The following PHTF2 variants were observed in gnomAD, a reference collection of about 807,000 sequenced individuals.
PHTF2 encodes putative homeodomain transcription factor 2, also known as protein PHTF2.
Under a neutral mutation model 101.2 loss-of-function variants are expected in PHTF2, and 60 were observed. The observed-to-expected ratio is 0.59, with a 90% CI of 0.48 to 0.73. The LOEUF (loss-of-function observed/expected upper bound fraction) is 0.73. PHTF2 is among the 30% of genes least tolerant of loss of function. PHTF2 has a pLI of 0.00. For synonymous variants in PHTF2, 311 were observed against 307.3 expected (o/e 1.01, Z -0.13); for missense variants, 747 against 908.7 (o/e 0.82, Z 2.29).
intron 15 of PHTF2, among the ~76,000 whole-genome samples, chr7:77,941,049 C>CT (rs1195462615): frequency 6.6e-6 from 1 of 152,088 alleles, no homozygotes; most frequent in African/African-American, 2.4e-5. Context: ...TAGGAAAACA[C>CT]TTTTTTTCTG....
chr7:77,801,321 C>T (rs953311423), intron 1 of PHTF2, among the ~76,000 whole-genome samples: 23 of 152,172 alleles, frequency 1.5e-4, no homozygotes. Flanking sequence ...TGCGGTGGCT[C>T]ACGCCCGTAA....
At chr7:77,918,657 CCAGA>C (rs1260371144) in intron 9 of PHTF2, among the ~76,000 whole-genome samples, 1 of 152,150 alleles carries the variant, frequency 6.6e-6, no homozygotes, top group African/African-American at 2.4e-5. Context: ...ACTTTCTTTC[CCAGA>C]CAGAGGAAGT....
Position 77,807,208 on chromosome 7 carries a change from T to C in PHTF2, c.-36+8237T>C, listed in dbSNP as rs541056599. Among the ~76,000 whole-genome samples the C allele has an allele frequency of 3.9e-5, 6 of 152,328 alleles. No homozygotes were observed. The South Asian group carries it at 1.2e-3, about 32-fold the overall frequency. ...TGCTATGAATATGAGTGTGTAAATA[T>C]CTCTTTGAGACTCTGCTTTCAATTG... On this transcript the variant is annotated intron_variant, in intron 1 of 19. Transcript: ENST00000416283.
chr7:77,840,418 C>A, intron 2 of PHTF2, 118 bp downstream of exon 2: 2 of 627,776 alleles, frequency 3.2e-6, no homozygotes, highest in Non-Finnish European at 5.6e-6. Context: ...TTTTATTTTT[C>A]TTGTACTTAT....
At chr7:77,923,289 TAAAG>T in intron 11 of PHTF2, 6 of 922,198 alleles carry the variant, frequency 6.5e-6, no homozygotes, top group Non-Finnish European at 7.8e-6. Flanking sequence ...ATTGTTTAAA[TAAAG>T]AATTTCATTC....
chr7:77,886,524 T>C (rs1383574451), intron 3 of PHTF2, among the ~76,000 whole-genome samples: 1 of 152,204 alleles, frequency 6.6e-6, no homozygotes, highest in Non-Finnish European at 1.5e-5. Flanking sequence ...GTTTCCCATT[T>C]TGTTTGTCTC....
At chr7:77,909,976 T>C (rs552588069) in intron 8 of PHTF2, 1 of 252,668 alleles carries the variant, frequency 4.0e-6, no homozygotes, top group African/African-American at 2.2e-5. Flanking sequence ...AAGAAATGCT[T>C]TTGTAAATAT....
exon 11 of PHTF2, chr7:77,922,695 T>C (rs2150919458): frequency 6.2e-7 from 1 of 1,610,348 alleles, no homozygotes; most frequent in Non-Finnish European, 8.5e-7. Context: ...AGGATACTCA[T>C]TACGTCGTCA....
At position 77,830,436 on chromosome 7, in the gene PHTF2, C is replaced by T. The variant is rs371708724; in HGVS notation, c.-35-9785C>T. ...GGAGGTGAGCCAGTGGGCAAGTGAG[C>T]GAAGCTTCATCTGTATTTACAGCTG... On this transcript the variant is annotated intron_variant, in intron 1 of 19. Coordinates refer to ENST00000416283, the Ensembl canonical transcript of PHTF2. Among the ~76,000 whole-genome samples, 41 of 152,326 alleles carry T rather than the reference C, an allele frequency of 2.7e-4. 1 individual carries two copies. In the South Asian group the frequency reaches 2.9e-3, roughly 11 times the overall value.
In PHTF2 at chr7:77,925,495, G is replaced by GTTTTTTTTTTTTTTTTTTTTTTTTTTTTT. The variant is rs58290945; in HGVS notation, c.1119+2720_1119+2748dup. Among the ~76,000 whole-genome samples, 8 of 73,166 alleles carry GTTTTTTTTTTTTTTTTTTTTTTTTTTTTT rather than the reference G, an allele frequency of 1.1e-4. 2 individuals carry two copies. The highest frequency in any genetic ancestry group is 2.3e-4 in the African/African-American group (4 of 17,300). 48.0% of individuals were successfully genotyped at this position (73,166 alleles called of 152,430 possible). A position where few individuals can be genotyped will look rare whatever the true frequency, so the allele number is the denominator to read the frequency against. On this transcript the variant is annotated intron_variant, in intron 11 of 19. Transcript: ENST00000416283. ...GCAATTATAGGCAATAGTTTTTAGGGTTTTTTTTTTTTTTTTTTTTTTTTT... is the reference window on the plus strand; with the variant it reads ...GCAATTATAGGCAATAGTTTTTAGGGTTTTTTTTTTTTTTTTTTTTTTTTTTTTTTTTTTTTTTTTTTTTTTTTTTTTTT...
chr7:77,832,254 C>T (rs1380371357), intron 1 of PHTF2, among the ~76,000 whole-genome samples: 1 of 152,112 alleles, frequency 6.6e-6, no homozygotes, highest in African/African-American at 2.4e-5. Flanking sequence ...TTTTTTTTGA[C>T]ATGCTTCAAA....
intron 2 of PHTF2, chr7:77,854,642 C>A: frequency 1.5e-6 from 1 of 654,386 alleles, no homozygotes; most frequent in Admixed American, 2.1e-5. Flanking sequence ...TCTTAGAAAT[C>A]TACTCCATGC....
intron 1 of PHTF2, among the ~76,000 whole-genome samples, chr7:77,833,258 G>A (rs1267958291): frequency 6.6e-6 from 1 of 152,190 alleles, no homozygotes; most frequent in Non-Finnish European, 1.5e-5. Context: ...TGGCACAGAG[G>A]TAGAAAAATG....
At chr7:77,830,381 G>A (rs1794986913) in intron 1 of PHTF2, among the ~76,000 whole-genome samples, 1 of 152,278 alleles carries the variant, frequency 6.6e-6, no homozygotes, top group Admixed American at 6.5e-5. Context: ...GTTGGTCTGC[G>A]GCCTGGTAGG....
chr7:77,951,748 T>C, intron 18 of PHTF2, 36 bp downstream of exon 17: 1 of 833,442 alleles, frequency 1.2e-6, no homozygotes, highest in South Asian at 1.7e-5. Context: ...TAATGTCAAA[T>C]ATGCTGTTCT....
chr7:77,950,967 G>A (rs567431472), intron 17 of PHTF2, among the ~76,000 whole-genome samples: 69 of 152,320 alleles, frequency 4.5e-4, no homozygotes, highest in African/African-American at 1.6e-3. Flanking sequence ...AATCAGCGAT[G>A]GCTGCCAGAT....
intron 1 of PHTF2, among the ~76,000 whole-genome samples, chr7:77,804,935 T>C (rs1195002843): frequency 1.3e-5 from 2 of 152,242 alleles, no homozygotes; most frequent in African/African-American, 2.4e-5. Context: ...CATACTGATA[T>C]CAAAATTATA....
rs1279459173 is a variant in PHTF2 at position 77,953,260 on chromosome 7, A to C, written c.2212-509A>C. On this transcript the variant is annotated intron_variant, in intron 18 of 19. Transcript: ENST00000416283. ...TGTCTACTAAACTGTAAGGTCCTTC[A>C]GTTCAGGGACTGAATCTTAACTTCC... Among the ~76,000 whole-genome samples the C allele has an allele frequency of 2.0e-5, 3 of 152,216 alleles. No individual in the cohort carries two copies. In the East Asian group the frequency reaches 5.8e-4, roughly 29 times the overall value.
chr7:77,921,029 A>T (rs893204687), intron 10 of PHTF2, among the ~76,000 whole-genome samples: 1 of 152,178 alleles, frequency 6.6e-6, no homozygotes, highest in African/African-American at 2.4e-5. Flanking sequence ...GTTGTTTGTT[A>T]AGCCTTACTT....
Sources: gnomAD v4.1 joint callset for allele counts (sites outside exome capture counted in the v4.1 genomes callset) on GRCh38, gnomAD v4.1.1 for gene constraint, MANE v1.5 for transcripts, NCBI Gene and HGNC (gene_info 2026-07-23, HGNC 2026-07-21) for gene names.